The following PPARGC1A variants were observed in gnomAD, a reference collection of about 807,000 sequenced individuals.
PPARGC1A encodes peroxisome proliferator-activated receptor gamma coactivator 1-alpha.
PPARGC1A carries 25 observed loss-of-function variants against 88.7 expected under a neutral mutation model. The ratio of observed to expected loss-of-function variants is 0.28; its 90% CI spans 0.21 to 0.39. The LOEUF is 0.39. Ranked by LOEUF, PPARGC1A falls within the 10% of genes least tolerant of loss-of-function variation. PPARGC1A has a pLI of 1.00. For synonymous variants in PPARGC1A, 363 were observed against 355.6 expected, an observed-to-expected ratio of 1.02 and a Z score of -0.24; for missense variants, 880 against 968.7, an observed-to-expected ratio of 0.91 and a Z score of 1.22.
chr4:24,330,374 C>A, the PPARGC1A span, among the ~76,000 whole-genome samples: 1 of 152,170 alleles, frequency 6.6e-6, no homozygotes, highest in Non-Finnish European at 1.5e-5. Flanking sequence ...AGTCTGACTC[C>A]CCTGAGACTG....
chr4:23,937,177 A>C, the PPARGC1A span, among the ~76,000 whole-genome samples: 1 of 151,726 alleles, frequency 6.6e-6, no homozygotes, highest in African/African-American at 2.4e-5. Context: ...TAATATTTCC[A>C]AAGTCCCTAG....
At chr4:23,928,783 C>CAAAAAAAA in the PPARGC1A span, among the ~76,000 whole-genome samples, 1 of 119,160 alleles carries the variant, frequency 8.4e-6, no homozygotes, top group Non-Finnish European at 1.8e-5. Context: ...AAAAAAACAA[C>CAAAAAAAA]AAAAAAAAAA....
the PPARGC1A span, among the ~76,000 whole-genome samples, chr4:23,973,319 G>A: frequency 6.6e-6 from 1 of 152,174 alleles, no homozygotes; most frequent in Non-Finnish European, 1.5e-5. Context: ...CTCTCCAAAG[G>A]CTTTCAGACT....
the PPARGC1A span, among the ~76,000 whole-genome samples, chr4:24,187,147 A>G: frequency 6.6e-6 from 1 of 152,246 alleles, no homozygotes; most frequent in East Asian, 1.9e-4. Context: ...AAATGCCCTT[A>G]TTGGCTCAAG....
chr4:23,975,259 G>A, the PPARGC1A span, among the ~76,000 whole-genome samples: 1 of 152,144 alleles, frequency 6.6e-6, no homozygotes, highest in Admixed American at 6.6e-5. Flanking sequence ...ATTATCTGTT[G>A]TAACAATAAT....
At chr4:24,339,427 G>A in the PPARGC1A span, among the ~76,000 whole-genome samples, 72 of 151,758 alleles carry the variant, frequency 4.7e-4, no homozygotes, top group Middle Eastern at 6.8e-3. Context: ...GAGAAGATGA[G>A]TCAGGAATTC....
chr4:24,440,519 T>G, the PPARGC1A span, among the ~76,000 whole-genome samples: 1 of 152,124 alleles, frequency 6.6e-6, no homozygotes, highest in Non-Finnish European at 1.5e-5. Flanking sequence ...TCAGATTTCT[T>G]GGCCGGCCGC....
At chr4:24,073,616 C>T in the PPARGC1A span, among the ~76,000 whole-genome samples, 3,470 of 152,228 alleles carry the variant, frequency 0.023, 141 homozygotes, top group African/African-American at 0.073. Flanking sequence ...ACAATGATGA[C>T]AATGATTATG....
At chr4:24,025,758 A>C in the PPARGC1A span, among the ~76,000 whole-genome samples, 13 of 151,678 alleles carry the variant, frequency 8.6e-5, 1 homozygote, top group Non-Finnish European at 1.8e-4. Context: ...AATACACGTA[A>C]TGTTCAGTGA....
chr4:24,142,481 A>T, the PPARGC1A span, among the ~76,000 whole-genome samples: 1 of 151,868 alleles, frequency 6.6e-6, no homozygotes, highest in African/African-American at 2.4e-5. Context: ...TGAGACTAGC[A>T]TGGGCAACAT....
intron 2 of PPARGC1A, among the ~76,000 whole-genome samples, chr4:23,860,002 T>C (rs1730953418): frequency 6.6e-6 from 1 of 152,080 alleles, no homozygotes; most frequent in Non-Finnish European, 1.5e-5. Flanking sequence ...TGGGGCATAG[T>C]AGCTCAACCC....
At chr4:23,826,083 C>T (rs1043766508) in intron 5 of PPARGC1A, among the ~76,000 whole-genome samples, 1 of 152,006 alleles carries the variant, frequency 6.6e-6, no homozygotes, top group African/African-American at 2.4e-5. Context: ...TTGAAATGCT[C>T]AAAGGAAGAC....
At chr4:23,835,362 T>C (rs976526871) in intron 2 of PPARGC1A, among the ~76,000 whole-genome samples, 3 of 152,184 alleles carry the variant, frequency 2.0e-5, no homozygotes, top group Non-Finnish European at 2.9e-5. Context: ...AATGTCATAA[T>C]TAATTTATAA....
At chr4:23,876,964 G>A (rs1714824080) in intron 2 of PPARGC1A, among the ~76,000 whole-genome samples, 1 of 152,120 alleles carries the variant, frequency 6.6e-6, no homozygotes, top group Non-Finnish European at 1.5e-5. Context: ...AAATATTAGT[G>A]TTTAGAATCT....
the PPARGC1A span, among the ~76,000 whole-genome samples, chr4:24,115,408 C>G: frequency 6.6e-6 from 1 of 151,932 alleles, no homozygotes. Flanking sequence ...AAAGGCAATC[C>G]TACATGCTTA....
the PPARGC1A span, among the ~76,000 whole-genome samples, chr4:24,352,264 C>T: frequency 6.6e-6 from 1 of 152,096 alleles, no homozygotes; most frequent in Admixed American, 6.5e-5. Flanking sequence ...CTGGGGCACA[C>T]AGCTCAAAGG....
chr4:24,012,053 A>G, the PPARGC1A span, among the ~76,000 whole-genome samples: 58 of 152,292 alleles, frequency 3.8e-4, no homozygotes, highest in Non-Finnish European at 6.8e-4. Context: ...TATAACTTGT[A>G]TACTCCCGGC....
the PPARGC1A span, among the ~76,000 whole-genome samples, chr4:24,254,819 G>A: frequency 2.0e-5 from 3 of 152,194 alleles, no homozygotes; most frequent in Non-Finnish European, 2.9e-5. Flanking sequence ...ACAAGTGCTA[G>A]AGCACAGCAG....
At chr4:23,992,406 C>A in the PPARGC1A span, among the ~76,000 whole-genome samples, 1 of 151,936 alleles carries the variant, frequency 6.6e-6, no homozygotes, top group Non-Finnish European at 1.5e-5. Context: ...TTTCTGAGCA[C>A]TGTACACATG....
Sources: gnomAD v4.1 joint callset for allele counts (sites outside exome capture counted in the v4.1 genomes callset) on GRCh38, gnomAD v4.1.1 for gene constraint, MANE v1.5 for transcripts, NCBI Gene and HGNC (gene_info 2026-07-23, HGNC 2026-07-21) for gene names.